The following BICC1 variants were observed in gnomAD, a reference collection of about 807,000 sequenced individuals.
BICC1 encodes the protein BicC family RNA binding protein 1, also known as protein bicaudal C homolog 1.
A neutral mutation model predicts 111.0 loss-of-function variants in BICC1; 43 were observed. The ratio of observed to expected loss-of-function variants is 0.39; its 90% CI spans 0.30 to 0.50. BICC1 has a LOEUF of 0.50. BICC1 is among the 20% of genes least tolerant of loss of function. The pLI is 0.88. For synonymous variants in BICC1, 467 were observed against 434.4 expected (o/e 1.07, Z -0.93); for missense variants, 1,091 against 1,203.2 (o/e 0.91, Z 1.38).
intron 3 of BICC1, among the ~76,000 whole-genome samples, chr10:58,741,672 CTG>C (rs1841671220): frequency 6.6e-6 from 1 of 152,234 alleles, no homozygotes; most frequent in African/African-American, 2.4e-5. Flanking sequence ...AAACGGGAAA[CTG>C]AGAATAAGAT....
intron 1 of BICC1, among the ~76,000 whole-genome samples, chr10:58,593,861 G>A (rs1168213327): frequency 6.6e-6 from 1 of 152,008 alleles, no homozygotes; most frequent in Non-Finnish European, 1.5e-5. Flanking sequence ...AACAAAACTG[G>A]ACGGAGAATG....
At chr10:58,633,233 C>G (rs1056638892) in intron 2 of BICC1, among the ~76,000 whole-genome samples, 3 of 152,154 alleles carry the variant, frequency 2.0e-5, no homozygotes, top group Non-Finnish European at 4.4e-5. Context: ...GATTGTGAGG[C>G]CTCTGCAGCC....
chr10:58,757,664 G>C (rs986356189), intron 3 of BICC1, among the ~76,000 whole-genome samples: 3 of 152,118 alleles, frequency 2.0e-5, no homozygotes, highest in Non-Finnish European at 4.4e-5. Context: ...TTTCACAAGA[G>C]CCAGGACCCC....
intron 3 of BICC1, among the ~76,000 whole-genome samples, chr10:58,709,256 T>C (rs1840497435): frequency 6.6e-6 from 1 of 152,228 alleles, no homozygotes; most frequent in Admixed American, 6.5e-5. Context: ...CATTGTTCTG[T>C]TCTCTACTTC....
chr10:58,713,666 A>G (rs1840647115), intron 3 of BICC1, among the ~76,000 whole-genome samples: 1 of 152,246 alleles, frequency 6.6e-6, no homozygotes, highest in Non-Finnish European at 1.5e-5. Flanking sequence ...CACACAAAAA[A>G]TAAAGATTTA....
At chr10:58,763,194 A>G (rs1334382466) in intron 3 of BICC1, among the ~76,000 whole-genome samples, 1 of 152,230 alleles carries the variant, frequency 6.6e-6, no homozygotes, top group Non-Finnish European at 1.5e-5. Context: ...GCTTCCAATA[A>G]TGAATACACT....
At chr10:58,562,458 TTC>T (rs1206862210) in intron 1 of BICC1, among the ~76,000 whole-genome samples, 1 of 152,024 alleles carries the variant, frequency 6.6e-6, no homozygotes, top group Non-Finnish European at 1.5e-5. Context: ...ACCTCAATAT[TTC>T]TGTTTTGTTC....
At chr10:58,720,817 T>G (rs1000899575) in intron 3 of BICC1, among the ~76,000 whole-genome samples, 4 of 152,182 alleles carry the variant, frequency 2.6e-5, no homozygotes, top group African/African-American at 4.8e-5. Flanking sequence ...GTAGGTCGTA[T>G]TTGATGACAG....
In BICC1 at chr10:58,623,957, G is replaced by GA. The variant is rs201605106; in HGVS notation, c.237+3066dup. On this transcript the variant is annotated intron_variant, in intron 2 of 20. Transcript: ENST00000373886. ...ATTCACCACAAATGAGATTGTTAGG[G>GA]AAAAAAAAAAGTCTGTGATCAAAGT... Among the ~76,000 whole-genome samples, 26 of 148,670 alleles carry GA rather than the reference G, an allele frequency of 1.7e-4. 1 individual carries two copies. The highest frequency in any genetic ancestry group is 1.1e-3 in the Admixed American group (16 of 14,984).
intron 3 of BICC1, among the ~76,000 whole-genome samples, chr10:58,756,568 A>G (rs1463525493): frequency 1.4e-5 from 2 of 147,462 alleles, no homozygotes; most frequent in African/African-American, 2.6e-5. Flanking sequence ...AGGGTTTTCC[A>G]TGGGCTCGCA....
intron 1 of BICC1, among the ~76,000 whole-genome samples, chr10:58,586,668 A>G (rs1844440399): frequency 6.6e-6 from 1 of 151,920 alleles, no homozygotes. Context: ...CTATGTTCAC[A>G]TATACATACC....
intron 1 of BICC1, among the ~76,000 whole-genome samples, chr10:58,579,801 GTAAGTT>G: frequency 6.6e-6 from 1 of 152,246 alleles, no homozygotes; most frequent in Admixed American, 6.5e-5. Context: ...GATTAGAAAG[GTAAGTT>G]TACAGGGCAA....
intron 3 of BICC1, among the ~76,000 whole-genome samples, chr10:58,753,836 G>A (rs1026692490): frequency 1.3e-5 from 2 of 151,368 alleles, no homozygotes; most frequent in African/African-American, 4.9e-5. Context: ...TTTTTGCCTT[G>A]CCTTGCCATT....
rs1006683706 is a variant in BICC1, at chr10:58,800,984, G to C, written c.1953G>C (p.Lys651Asn). ...GDLKQMMCPS[K>N]VSCAKRQTVE... ...TGAAACAGATGATGTGTCCCTCCAA[G>C]GTTTCCTGTGCCAAAAGGCAGACAG... The change falls in exon 14 of 21, where the codon AAG becomes AAC. Residue 651 changes from lysine (K) to asparagine (N), a missense_variant. Lys to Asn is a moderately conservative substitution (Grantham distance 94). This residue lies in a region of BICC1 where 843 missense variants were observed against 900.8 expected (regional missense o/e 0.94). Coordinates refer to ENST00000373886, the MANE Select transcript of BICC1 (RefSeq NM_001080512.3). The C allele has an allele frequency of 6.2e-7, 1 of 1,611,994 alleles. No individual in the cohort carries two copies. The highest frequency in any genetic ancestry group is 1.3e-5 in the African/African-American group (1 of 74,772).
chr10:58,693,120 T>C (rs1204681233), intron 2 of BICC1, among the ~76,000 whole-genome samples: 1 of 152,162 alleles, frequency 6.6e-6, no homozygotes, highest in Non-Finnish European at 1.5e-5. Context: ...GTTTGGTTTT[T>C]TGTCCTTGCG....
At chr10:58,676,450 C>T (rs1051534291) in intron 2 of BICC1, among the ~76,000 whole-genome samples, 20 of 152,126 alleles carry the variant, frequency 1.3e-4, no homozygotes, top group African/African-American at 2.7e-4. Context: ...GAAGGGCATC[C>T]GCCATTACTG....
rs149724921 is a variant in BICC1 at position 58,703,599 on chromosome 10, A to G, written c.307+1456A>G. Reference sequence around the variant, plus strand: ...GCCTGTATTTCTCAAGTGGTGTAGAATATATTCTTAATTAATCTTCAGTAA... The same window carrying G: ...GCCTGTATTTCTCAAGTGGTGTAGAGTATATTCTTAATTAATCTTCAGTAA... On this transcript the variant is annotated intron_variant, in intron 3 of 20. Transcript: ENST00000373886. Among the ~76,000 whole-genome samples the G allele has an allele frequency of 5.3e-5, 8 of 152,288 alleles. 1 individual carries two copies. Among genetic ancestry groups the G allele is most frequent in the African/African-American group, 1.9e-4 (8 of 41,558 alleles).
chr10:58,700,360 G>T (rs1243567959), intron 2 of BICC1, among the ~76,000 whole-genome samples: 1 of 151,994 alleles, frequency 6.6e-6, no homozygotes, highest in Admixed American at 6.6e-5. Context: ...GCATGTTTTT[G>T]GGGTGGCATC....
At chr10:58,519,224 T>C (rs1299047052) in intron 1 of BICC1, among the ~76,000 whole-genome samples, 3 of 152,170 alleles carry the variant, frequency 2.0e-5, no homozygotes, top group Admixed American at 6.5e-5. Context: ...TGTGTCTGGT[T>C]TATGCAGGAA....
Sources: allele counts gnomAD v4.1 joint callset (sites outside exome capture counted in the v4.1 genomes callset), GRCh38; gene constraint gnomAD v4.1.1; regional missense constraint gnomAD v4.1.1; transcripts MANE v1.5; gene names NCBI Gene and HGNC (gene_info 2026-07-23, HGNC 2026-07-21).